Variants in AFF3 observed in about 807,000 individuals in gnomAD.
AFF3 encodes the protein AF4/FMR2 family member 3.
In AFF3, 32 loss-of-function variants were observed where a neutral mutation model predicts 129.7. The observed-to-expected ratio is 0.25, with a 90% CI of 0.19 to 0.33. AFF3 has a LOEUF of 0.33. Ranked by LOEUF, AFF3 falls within the 10% of genes least tolerant of loss-of-function variation. The pLI is 1.00. For synonymous variants in AFF3, 644 were observed against 635.4 expected (o/e 1.01, Z -0.20); for missense variants, 1,373 against 1,592.0 (o/e 0.86, Z 2.34).
chr2:99,932,937 T>C (rs1055825738), intron 7 of AFF3, among the ~76,000 whole-genome samples: 3 of 152,180 alleles, frequency 2.0e-5, no homozygotes, highest in African/African-American at 7.2e-5. Context: ...CAATAATATG[T>C]TTTTTTAATT....
intron 8 of AFF3, among the ~76,000 whole-genome samples, chr2:99,773,755 AG>A: frequency 6.6e-6 from 1 of 152,354 alleles, no homozygotes; most frequent in African/African-American, 2.4e-5. Context: ...AAAGAATTAA[AG>A]GGTATTCAAA....
At chr2:99,661,888 C>T (rs1428440328) in intron 12 of AFF3, among the ~76,000 whole-genome samples, 2 of 152,090 alleles carry the variant, frequency 1.3e-5, no homozygotes, top group African/African-American at 2.4e-5. Context: ...GCCTATAATG[C>T]TAACACTTTG....
At chr2:99,890,305 G>A (rs751557812) in intron 7 of AFF3, among the ~76,000 whole-genome samples, 7 of 152,140 alleles carry the variant, frequency 4.6e-5, no homozygotes, top group Non-Finnish European at 7.3e-5. Flanking sequence ...GAACACACAG[G>A]CTCTGTCATT....
intron 2 of AFF3, among the ~76,000 whole-genome samples, chr2:100,117,489 T>G (rs1691777216): frequency 6.6e-6 from 1 of 152,200 alleles, no homozygotes; most frequent in Admixed American, 6.5e-5. Flanking sequence ...TGGTTATTTT[T>G]TATTGTTTCT....
At chr2:99,767,472 C>G (rs1436993551) in intron 8 of AFF3, among the ~76,000 whole-genome samples, 1 of 152,194 alleles carries the variant, frequency 6.6e-6, no homozygotes, top group African/African-American at 2.4e-5. Flanking sequence ...ACTAAACATT[C>G]CACAGGTGTT....
chr2:99,875,658 A>G (rs745395116), intron 7 of AFF3, among the ~76,000 whole-genome samples: 3 of 152,188 alleles, frequency 2.0e-5, no homozygotes, highest in Admixed American at 6.5e-5. Context: ...CAAGTACTCA[A>G]TATAGATGTG....
chr2:99,620,916 G>A (rs2105303099), intron 13 of AFF3, among the ~76,000 whole-genome samples: 1 of 152,258 alleles, frequency 6.6e-6, no homozygotes, highest in South Asian at 2.1e-4. Flanking sequence ...TCCACCATGA[G>A]TGAAAGCTTT....
intron 18 of AFF3, among the ~76,000 whole-genome samples, chr2:99,569,875 G>A (rs143915872): frequency 1.9e-4 from 29 of 152,278 alleles, no homozygotes; most frequent in African/African-American, 6.5e-4. Flanking sequence ...ATGATTACAT[G>A]CTTATTTTGA....
At chr2:99,628,058 G>C (rs1682767476) in intron 13 of AFF3, among the ~76,000 whole-genome samples, 2 of 151,952 alleles carry the variant, frequency 1.3e-5, no homozygotes, top group African/African-American at 4.8e-5. Flanking sequence ...GCTCTTTTTT[G>C]GTTTCATATG....
At chr2:99,796,325 T>C (rs1243976001) in intron 8 of AFF3, among the ~76,000 whole-genome samples, 1 of 152,222 alleles carries the variant, frequency 6.6e-6, no homozygotes, top group East Asian at 1.9e-4. Flanking sequence ...CATTACTTAA[T>C]ACAAAACTCT....
intron 8 of AFF3, among the ~76,000 whole-genome samples, chr2:99,824,261 A>G (rs1687913392): frequency 6.6e-6 from 1 of 152,046 alleles, no homozygotes; most frequent in Non-Finnish European, 1.5e-5. Context: ...GATTACAGGC[A>G]TGCACCACCA....
intron 8 of AFF3, among the ~76,000 whole-genome samples, chr2:99,779,898 T>C (rs1404955680): frequency 6.6e-6 from 1 of 152,240 alleles, no homozygotes; most frequent in Non-Finnish European, 1.5e-5. Context: ...TCAGGTCTTC[T>C]CATTTGTGGT....
intron 11 of AFF3, among the ~76,000 whole-genome samples, chr2:99,674,384 G>C (rs888161212): frequency 6.6e-6 from 1 of 152,210 alleles, no homozygotes; most frequent in Non-Finnish European, 1.5e-5. Flanking sequence ...CCAGTGACCA[G>C]CACAGTGCGG....
At chr2:99,917,165 C>T (rs985833283) in intron 7 of AFF3, among the ~76,000 whole-genome samples, 20 of 152,256 alleles carry the variant, frequency 1.3e-4, no homozygotes, top group Non-Finnish European at 2.9e-4. Flanking sequence ...GGATATGGTA[C>T]GACTCTGTCT....
intron 7 of AFF3, among the ~76,000 whole-genome samples, chr2:99,874,352 A>T (rs1275633076): frequency 2.0e-5 from 3 of 152,166 alleles, no homozygotes; most frequent in Non-Finnish European, 4.4e-5. Flanking sequence ...TGTTCTCAAA[A>T]TATTGTGACA....
At chr2:99,640,025 G>C (rs1271768219) in intron 13 of AFF3, among the ~76,000 whole-genome samples, 1 of 152,122 alleles carries the variant, frequency 6.6e-6, no homozygotes, top group Non-Finnish European at 1.5e-5. Flanking sequence ...AGACAATGTG[G>C]CAGAAACAGG....
intron 7 of AFF3, among the ~76,000 whole-genome samples, chr2:99,852,279 C>T (rs946986550): frequency 1.3e-5 from 2 of 152,122 alleles, no homozygotes; most frequent in Admixed American, 1.3e-4. Context: ...ACTAATCCCA[C>T]TGTGCCCCCA....
At chr2:99,909,108 C>G (rs1314103576) in intron 7 of AFF3, among the ~76,000 whole-genome samples, 9 of 152,006 alleles carry the variant, frequency 5.9e-5, no homozygotes, top group African/African-American at 2.4e-5. Context: ...CAATGATAGA[C>G]TGGATTAAGA....
Position 99,762,125 on chromosome 2 carries a change from CTT to C in AFF3, c.922-9826_922-9825del, listed in dbSNP as rs113479774. ...CTCCACTTATATATAATCAATGCCACTTTTTTTTTTTTTTTTTCAGATGGAGT... is the reference window on the plus strand; with the variant it reads ...CTCCACTTATATATAATCAATGCCACTTTTTTTTTTTTTTTCAGATGGAGT... On this transcript the variant is annotated intron_variant, in intron 8 of 24. Coordinates refer to ENST00000672756, the MANE Select transcript of AFF3 (RefSeq NM_001386135.1). 1.6e-3 allele frequency among the ~76,000 whole-genome samples: 225 copies of C among 138,148 alleles called. 1 individual carries two copies. The highest frequency in any genetic ancestry group is 5.8e-3 in the African/African-American group (215 of 37,048). The allele number at this position is 138,148 out of a possible 152,430, so 90.6% of individuals were successfully genotyped here.
Sources: allele counts gnomAD v4.1 joint callset (sites outside exome capture counted in the v4.1 genomes callset), GRCh38; gene constraint gnomAD v4.1.1; transcripts MANE v1.5; gene names NCBI Gene and HGNC (gene_info 2026-07-23, HGNC 2026-07-21).